Variants in GTF2I observed in about 807,000 individuals in gnomAD.
The protein encoded by GTF2I is general transcription factor II-I.
Under a neutral mutation model 67.6 loss-of-function variants are expected in GTF2I, and 12 were observed. The ratio of observed to expected loss-of-function variants is 0.18; its 90% CI spans 0.11 to 0.29. GTF2I has a LOEUF of 0.29. Among genes scored for constraint, GTF2I ranks in the 10% least tolerant of loss-of-function variants. The pLI, the probability that GTF2I is intolerant of heterozygous loss-of-function variation, is 1.00. For missense variants in GTF2I, 271 were observed against 580.1 expected (o/e 0.47, Z 5.47); for synonymous variants, 149 against 197.0 (o/e 0.76, Z 2.04).
chr7:74,687,501 G>C lies in GTF2I; in HGVS notation c.-5-1623G>C, dbSNP rs1198657333. 12 of 959,982 alleles carry C rather than the reference G, an allele frequency of 1.3e-5. No individual in the cohort carries two copies. The East Asian group carries it at 9.2e-4, about 73-fold the overall frequency. The allele number at this position is 959,982 out of a possible 1,614,324, so 59.5% of individuals were successfully genotyped here. A position where few individuals can be genotyped will look rare whatever the true frequency, so the allele number is the denominator to read the frequency against. On this transcript the variant is annotated intron_variant, in intron 1 of 34. Transcript: ENST00000573035. ...GCCTTCCAAAGGGCTGGGATTACAGGCGTGAGCCACCACGCCCAGTGGATT... is the reference window on the plus strand; with the variant it reads ...GCCTTCCAAAGGGCTGGGATTACAGCCGTGAGCCACCACGCCCAGTGGATT...
chr7:74,659,970 G>A (rs1246396637), intron 1 of GTF2I, among the ~76,000 whole-genome samples: 3 of 152,206 alleles, frequency 2.0e-5, no homozygotes, highest in Non-Finnish European at 4.4e-5. Context: ...TGCAGGTAGA[G>A]TGCCCTGCGG....
chr7:74,705,889 T>C (rs1399509229), intron 7 of GTF2I, among the ~76,000 whole-genome samples: 1 of 150,650 alleles, frequency 6.6e-6, no homozygotes, highest in Non-Finnish European at 1.5e-5. Context: ...TGCTACTCTG[T>C]AGTATTTTAT....
At chr7:74,716,799 A>C (rs1792320743) in intron 10 of GTF2I, 95 bp from the exon 11 acceptor site, 1 of 750,280 alleles carries the variant, frequency 1.3e-6, no homozygotes, top group Non-Finnish European at 2.3e-6. Flanking sequence ...TATGTTTATT[A>C]TGTCTTAGAT....
At chr7:74,665,679 G>A (rs1248536827) in intron 1 of GTF2I, among the ~76,000 whole-genome samples, 2 of 152,184 alleles carry the variant, frequency 1.3e-5, no homozygotes, top group African/African-American at 4.8e-5. Context: ...AGTCATAAAA[G>A]TACTATTATA....
intron 3 of GTF2I, among the ~76,000 whole-genome samples, chr7:74,698,277 G>C (rs1317702984): frequency 1.3e-5 from 2 of 151,136 alleles, no homozygotes; most frequent in Non-Finnish European, 2.9e-5. Context: ...TTTTAGTAGA[G>C]ACGGTGGTTT....
chr7:74,704,779 C>T (rs782244267), intron 6 of GTF2I, among the ~76,000 whole-genome samples: 9 of 148,840 alleles, frequency 6.0e-5, no homozygotes, highest in East Asian at 2.0e-4. Context: ...GCTTGATCCT[C>T]GAGAGTTGGA....
chr7:74,726,944 A>AT (rs56227550), intron 12 of GTF2I: 143 of 140,914 alleles, frequency 1.0e-3, no homozygotes, highest in Non-Finnish European at 1.7e-3. Context: ...AGATAGATAG[A>AT]AAGAATGAGA....
At chr7:74,732,142 C>CATAT (rs4028174) in intron 14 of GTF2I, among the ~76,000 whole-genome samples, 18,951 of 145,734 alleles carry the variant, frequency 0.13, 1,910 homozygotes, top group African/African-American at 0.29. Context: ...TACACATATA[C>CATAT]ATATATATAT....
chr7:74,708,987 C>T (rs901254604), intron 8 of GTF2I, among the ~76,000 whole-genome samples: 1 of 152,190 alleles, frequency 6.6e-6, no homozygotes, highest in Non-Finnish European at 1.5e-5. Context: ...ACTGAAAATC[C>T]AGTCGCGAGC....
chr7:74,677,781 C>CAAAA lies in GTF2I; in HGVS notation c.-5-11331_-5-11328dup, dbSNP rs67938540. ...TGGGCGACAGAGTGAGATTCTGTCT[C>CAAAA]AAAAAAAAAAAAAAAGTAAATTTGG... On this transcript the variant is annotated intron_variant, in intron 1 of 34. Transcript: ENST00000573035. 8.3e-5 allele frequency among the ~76,000 whole-genome samples: 6 copies of CAAAA among 72,164 alleles called. 1 individual carries two copies. The highest frequency in any genetic ancestry group is 2.4e-4 in the African/African-American group (4 of 16,348). The allele number at this position is 72,164 out of a possible 152,430, so 47.3% of individuals were successfully genotyped here. A position where few individuals can be genotyped will look rare whatever the true frequency, so the allele number is the denominator to read the frequency against.
chr7:74,714,807 T>A (rs1400295566), intron 9 of GTF2I, 50 bp from the exon 10 acceptor site: 9 of 1,153,296 alleles, frequency 7.8e-6, no homozygotes, highest in Non-Finnish European at 1.1e-5. Flanking sequence ...TCACCCCACA[T>A]TTTTTTTTGG....
chr7:74,709,272 A>G (rs2131387731), intron 8 of GTF2I, among the ~76,000 whole-genome samples: 1 of 152,168 alleles, frequency 6.6e-6, no homozygotes, highest in East Asian at 1.9e-4. Context: ...TTTTTGAGAC[A>G]AGGTCTCACT....
At chr7:74,689,647 C>T (rs1188220126) in intron 2 of GTF2I, among the ~76,000 whole-genome samples, 2 of 151,774 alleles carry the variant, frequency 1.3e-5, no homozygotes, top group African/African-American at 4.8e-5. Flanking sequence ...AACCACTGCC[C>T]CAACCAATGA....
chr7:74,686,608 T>C (rs587710920), intron 1 of GTF2I, among the ~76,000 whole-genome samples: 1 of 152,288 alleles, frequency 6.6e-6, no homozygotes, highest in South Asian at 2.1e-4. Flanking sequence ...TATAGAAACA[T>C]ATATGCCTTT....
intron 11 of GTF2I, chr7:74,717,204 T>C (rs1444011471): frequency 2.5e-5 from 6 of 242,218 alleles, no homozygotes; most frequent in South Asian, 1.5e-4. Context: ...AAAATGCTAC[T>C]TTTTTTTTTG....
intron 3 of GTF2I, among the ~76,000 whole-genome samples, chr7:74,692,014 T>C (rs1438154746): frequency 6.6e-6 from 1 of 151,502 alleles, no homozygotes; most frequent in African/African-American, 2.4e-5. Context: ...TGACCTCAGG[T>C]GATCTGCTTG....
chr7:74,695,545 A>G (rs1254760341), intron 3 of GTF2I, among the ~76,000 whole-genome samples: 1 of 152,146 alleles, frequency 6.6e-6, no homozygotes, highest in Admixed American at 6.6e-5. Context: ...TAAATTGGTG[A>G]TACATTCAGC....
intron 9 of GTF2I, among the ~76,000 whole-genome samples, chr7:74,712,277 G>GT (rs1554402722): frequency 6.6e-6 from 1 of 152,102 alleles, no homozygotes; most frequent in African/African-American, 2.4e-5. Context: ...TAAAAGCATA[G>GT]TATCAGTCTG....
rs1291708106 is a variant in GTF2I at position 74,737,169 on chromosome 7, G to A, written c.1619+486G>A. On this transcript the variant is annotated intron_variant, in intron 18 of 34. Transcript: ENST00000573035. ...GATCGTGCCACTGCACTCCAGCCTGGGCAACAGAGCGAGACTCCATCTCAA... is the reference window on the plus strand; with the variant it reads ...GATCGTGCCACTGCACTCCAGCCTGAGCAACAGAGCGAGACTCCATCTCAA... Among the ~76,000 whole-genome samples, 3 of 148,218 alleles carry A rather than the reference G, an allele frequency of 2.0e-5. 1 individual carries two copies. Among genetic ancestry groups the A allele is most frequent in the Non-Finnish European group, 4.5e-5 (3 of 66,380 alleles).
Sources: allele counts gnomAD v4.1 joint callset (sites outside exome capture counted in the v4.1 genomes callset), GRCh38; gene constraint gnomAD v4.1.1; transcripts MANE v1.5; gene names NCBI Gene and HGNC (gene_info 2026-07-23, HGNC 2026-07-21).